PGPEP1L: variants seen among roughly 807,000 people sequenced by gnomAD.
The protein encoded by PGPEP1L is pyroglutamyl-peptidase 1-like protein.
PGPEP1L carries 7 observed loss-of-function variants against 6.0 expected under a neutral mutation model. The observed-to-expected ratio is 1.17, with a 90% CI of 0.66 to 2.19. PGPEP1L has a LOEUF of 2.19. Ranked by LOEUF, PGPEP1L falls within the 30% of genes most tolerant of loss-of-function variation. The probability of loss-of-function intolerance (pLI) is 0.00; values close to 1 mark genes in which losing one functional copy is unlikely to be tolerated. For missense variants in PGPEP1L, 209 were observed against 192.5 expected (o/e 1.09, Z -0.51); for synonymous variants, 103 against 83.9 (o/e 1.23, Z -1.24).
intron 2 of PGPEP1L, among the ~76,000 whole-genome samples, chr15:98,984,031 T>C (rs371386243): frequency 8.9e-5 from 11 of 123,514 alleles, no homozygotes; most frequent in Admixed American, 2.3e-4. Context: ...TTTTTTTTTT[T>C]TTCTATTTTG....
intron 2 of PGPEP1L, among the ~76,000 whole-genome samples, chr15:99,002,984 A>G (rs7403034): frequency 0.66 from 100,665 of 152,034 alleles, 34,946 homozygotes; most frequent in Non-Finnish European, 0.78. Context: ...CTTGAATTAT[A>G]CCTTTGCAAT....
intron 2 of PGPEP1L, chr15:99,001,115 C>T (rs1045005912): frequency 2.3e-5 from 10 of 441,914 alleles, no homozygotes; most frequent in Non-Finnish European, 4.5e-5. Context: ...AAGGAAGAAA[C>T]TCTGAACACA....
At chr15:99,002,386 T>C (rs1183693419) in intron 2 of PGPEP1L, among the ~76,000 whole-genome samples, 1 of 152,038 alleles carries the variant, frequency 6.6e-6, no homozygotes, top group African/African-American at 2.4e-5. Context: ...AGCGGGTGGG[T>C]GTGGCTGTAA....
At chr15:98,969,209 C>T (rs1404713829) in intron 4 of PGPEP1L, among the ~76,000 whole-genome samples, 1 of 152,198 alleles carries the variant, frequency 6.6e-6, no homozygotes, top group African/African-American at 2.4e-5. Context: ...CACCAAAGAC[C>T]GTGTTTCCAC....
At chr15:98,996,524 A>G (rs934428631) in intron 2 of PGPEP1L, among the ~76,000 whole-genome samples, 1 of 151,564 alleles carries the variant, frequency 6.6e-6, no homozygotes, top group Non-Finnish European at 1.5e-5. Context: ...ATATAGGGGT[A>G]TGTGTGTGTG....
chr15:99,006,757 C>A (rs2018072077), intron 1 of PGPEP1L, among the ~76,000 whole-genome samples: 1 of 152,084 alleles, frequency 6.6e-6, no homozygotes, highest in Admixed American at 6.5e-5. Context: ...GTAACTGCAC[C>A]TCTGCACTCC....
intron 2 of PGPEP1L, among the ~76,000 whole-genome samples, chr15:99,004,593 C>T (rs2018021267): frequency 6.6e-6 from 1 of 152,142 alleles, no homozygotes; most frequent in Non-Finnish European, 1.5e-5. Flanking sequence ...TGGTGCGTAC[C>T]TGTAGTCCCA....
intron 2 of PGPEP1L, among the ~76,000 whole-genome samples, chr15:99,004,682 C>T (rs2018023211): frequency 6.6e-6 from 1 of 152,186 alleles, no homozygotes; most frequent in Non-Finnish European, 1.5e-5. Context: ...TACGCCACTG[C>T]ACTCTAGCCT....
intron 2 of PGPEP1L, among the ~76,000 whole-genome samples, chr15:98,973,253 C>T (rs1160893472): frequency 6.6e-6 from 1 of 152,064 alleles, no homozygotes; most frequent in Admixed American, 6.5e-5. Flanking sequence ...TAACTGCAAC[C>T]AATAATAGCA....
In PGPEP1L at chr15:99,007,764, A is replaced by C. The variant is rs1375228311; in HGVS notation, c.-775T>G. 2 of 152,264 alleles carry C rather than the reference A, an allele frequency of 1.3e-5. No homozygotes were observed. The highest frequency in any genetic ancestry group is 1.3e-4 in the Admixed American group (2 of 15,284). 9.4% of individuals were successfully genotyped at this position (152,264 alleles called of 1,614,324 possible). A position where few individuals can be genotyped will look rare whatever the true frequency, so the allele number is the denominator to read the frequency against. ...ACAAGCAAAACAACAAAACTTCCAC[A>C]GCACAGAAGGCGACTCCAGCAAGTT... On this transcript the variant is annotated 5_prime_UTR_variant, in exon 1 of 5. Transcript: ENST00000535714.
intron 2 of PGPEP1L, among the ~76,000 whole-genome samples, chr15:98,977,277 AGTTT>A (rs1010067164): frequency 2.0e-5 from 3 of 151,816 alleles, no homozygotes; most frequent in African/African-American, 4.8e-5. Flanking sequence ...TCTTCTGCTT[AGTTT>A]AATTTGTTCT....
intron 2 of PGPEP1L, among the ~76,000 whole-genome samples, chr15:98,992,308 GACAA>G (rs1442560880): frequency 1.3e-5 from 2 of 152,082 alleles, no homozygotes; most frequent in Non-Finnish European, 2.9e-5. Context: ...ACCAATAACA[GACAA>G]ACAGAGAGCC....
intron 2 of PGPEP1L, among the ~76,000 whole-genome samples, chr15:98,985,398 C>T (rs1327234756): frequency 2.0e-5 from 3 of 152,056 alleles, no homozygotes; most frequent in African/African-American, 7.2e-5. Flanking sequence ...AATTAGCTGG[C>T]GTGATGGCAG....
At chr15:98,992,265 A>G (rs1277332712) in intron 2 of PGPEP1L, among the ~76,000 whole-genome samples, 1 of 152,234 alleles carries the variant, frequency 6.6e-6, no homozygotes, top group African/African-American at 2.4e-5. Flanking sequence ...AGGATACAAA[A>G]TCAATGTGCA....
chr15:99,006,878 T>C lies in PGPEP1L; in HGVS notation c.-370+481A>G, dbSNP rs558399111. Among the ~76,000 whole-genome samples the C allele has an allele frequency of 2.0e-5, 3 of 152,294 alleles. No homozygotes were observed. The East Asian group carries it at 5.8e-4, about 29-fold the overall frequency. Reference sequence around the variant, plus strand: ...ATATTAAGAGGAAGAAGACCCATGATTCTCTGTCCCCATCTAGGTCTGGGG... The same window carrying C: ...ATATTAAGAGGAAGAAGACCCATGACTCTCTGTCCCCATCTAGGTCTGGGG... On this transcript the variant is annotated intron_variant, in intron 1 of 4. Transcript: ENST00000535714.
chr15:99,001,413 G>T (rs2017967265), intron 2 of PGPEP1L: 1 of 172,456 alleles, frequency 5.8e-6, no homozygotes, highest in African/African-American at 2.4e-5. Context: ...GTTGTGGGGG[G>T]ACGTGAGTGG....
At position 98,969,533 on chromosome 15, in the gene PGPEP1L, C is replaced by T. The variant is rs770641054; in HGVS notation, c.101G>A (p.Cys34Tyr). The change falls in exon 4 of 5, where the codon TGC becomes TAC. Residue 34 changes from cysteine to tyrosine, a missense_variant. Physicochemically the swap from Cys to Tyr is radical, Grantham distance 194. Coordinates refer to ENST00000535714, the MANE Select transcript of PGPEP1L (RefSeq NM_001167902.2). ...IRSFWPEGGVCLPGSPDVLES... is the reference protein window; with the variant it reads ...IRSFWPEGGVYLPGSPDVLES... ...CAGCACGTCTGGGCTGCCAGGTAGG[C>T]ACACGCCGCCCTCGGGCCAGAAGCT... The T allele has an allele frequency of 2.5e-5, 40 of 1,614,024 alleles. 1 individual carries two copies. The African/African-American group carries it at 3.5e-4, about 14-fold the overall frequency.
rs183461914 is a variant in PGPEP1L, at chr15:98,993,803, C to T, written c.-142+11626G>A. Among the ~76,000 whole-genome samples the T allele has an allele frequency of 1.5e-3, 232 of 151,166 alleles. 1 individual carries two copies. The highest frequency in any genetic ancestry group is 5.5e-3 in the African/African-American group (227 of 41,208). On this transcript the variant is annotated intron_variant, in intron 2 of 4. Transcript: ENST00000535714. ...AAACCTGCACGTTCTGCACATGTAC[C>T]CCAGAACTTAAAGTATAATAAAACA...
intron 2 of PGPEP1L, among the ~76,000 whole-genome samples, chr15:98,978,341 C>G (rs2151756937): frequency 6.6e-6 from 1 of 152,252 alleles, no homozygotes; most frequent in Admixed American, 6.5e-5. Context: ...GAGTAATCAT[C>G]TGTGATTACA....
Sources: gnomAD v4.1 joint callset for allele counts (sites outside exome capture counted in the v4.1 genomes callset) on GRCh38, gnomAD v4.1.1 for gene constraint, MANE v1.5 for transcripts, NCBI Gene and HGNC (gene_info 2026-07-23, HGNC 2026-07-21) for gene names.